The following ZNF774 variants were observed in gnomAD, a reference collection of about 807,000 sequenced individuals.
ZNF774 encodes the protein zinc finger protein 774.
In ZNF774, 14 loss-of-function variants were observed where a neutral mutation model predicts 11.1. That is an observed-to-expected ratio of 1.26 (90% CI 0.83 to 1.97). The LOEUF (loss-of-function observed/expected upper bound fraction) is 1.97, where lower values mean the gene tolerates loss of function less well. Among genes scored for constraint, ZNF774 ranks in the 30% most tolerant of loss-of-function variants. The pLI, the probability that ZNF774 is intolerant of heterozygous loss-of-function variation, is 0.00. For synonymous variants in ZNF774, 195 were observed against 212.6 expected (o/e 0.92, Z 0.72); for missense variants, 599 against 587.0 (o/e 1.02, Z -0.21).
intron 1 of ZNF774, among the ~76,000 whole-genome samples, chr15:90,353,973 T>C (rs1365006349): frequency 1.3e-5 from 2 of 152,206 alleles, no homozygotes; most frequent in East Asian, 1.9e-4. Context: ...TTGCTGTCGA[T>C]TTATTAATAT....
At chr15:90,355,893 G>T (rs1216545712) in intron 2 of ZNF774, among the ~76,000 whole-genome samples, 2 of 150,508 alleles carry the variant, frequency 1.3e-5, no homozygotes, top group Admixed American at 1.3e-4. Flanking sequence ...GCCAGGCATG[G>T]TGGTGGGCAC....
At chr15:90,355,208 G>C (rs1270634188) in intron 2 of ZNF774, 2 of 442,616 alleles carry the variant, frequency 4.5e-6, no homozygotes, top group Non-Finnish European at 9.1e-6. Flanking sequence ...CCAGACCTCT[G>C]TAAGATTAAT....
chr15:90,360,926 C>T lies in ZNF774; in HGVS notation c.1095C>T (p.His365=). 3 of 1,613,952 alleles carry T rather than the reference C, an allele frequency of 1.9e-6. No homozygotes were observed. Among genetic ancestry groups the T allele is most frequent in the Non-Finnish European group, 2.5e-6 (3 of 1,179,980 alleles). Residue 365 remains histidine, a synonymous_variant, in exon 4 of 4, where the codon CAC becomes CAT. Coordinates refer to ENST00000354377, the MANE Select transcript of ZNF774 (RefSeq NM_001004309.3). ...GTCAGAGCTCACATTTGGTCACGCA[C>T]CAAAGAACACACACAGGTGAGAGAC... ...SFSQSSHLVT[H]QRTHTGERPF...
In ZNF774 at chr15:90,361,128, TGTCCTGAGTGTGGCAA is replaced by T. The variant is rs767114345; in HGVS notation, c.1299_1314del (p.Cys433Ter). On this transcript the variant is annotated frameshift_variant, in exon 4 of 4. Transcript: ENST00000354377. LOFTEE classifies it low-confidence loss of function (END_TRUNC). ...CCACTTAGGAGACAGGCCCTATCGA[TGTCCTGAGTGTGGCAA>T]GACCTTCAATCAGCGTTCCCATTTC... is the stretch of plus-strand genomic sequence containing the variant. 9.7e-4 allele frequency: 1,569 copies of T among 1,614,206 alleles called. No homozygotes were observed. Among genetic ancestry groups the T allele is most frequent in the Non-Finnish European group, 1.3e-3 (1,500 of 1,180,034 alleles).
rs867831296 is a variant in ZNF774, at chr15:90,360,160, A to G, written c.329A>G (p.Asn110Ser). 1 of 1,614,228 alleles carries G rather than the reference A, an allele frequency of 6.2e-7. No individual in the cohort carries two copies. ...TCTCATACTCTTAGTTGGGGAGGAAACTGGGAGCAAGGCCTAGAATTAGAA... is the reference window on the plus strand; with the variant it reads ...TCTCATACTCTTAGTTGGGGAGGAAGCTGGGAGCAAGGCCTAGAATTAGAA... ...DLSHTLSWGGNWEQGLELEGQ... is the reference protein window; with the variant it reads ...DLSHTLSWGGSWEQGLELEGQ... The change falls in exon 4 of 4, where the codon AAC (asparagine) becomes AGC (serine). Residue 110 changes from asparagine (N) to serine (S), a missense_variant. Coordinates refer to ENST00000354377, the MANE Select transcript of ZNF774 (RefSeq NM_001004309.3).
chr15:90,355,722 C>CAA (rs35498554), intron 2 of ZNF774, among the ~76,000 whole-genome samples: 8,720 of 39,700 alleles, frequency 0.22, 1,482 homozygotes, highest in African/African-American at 0.32. Flanking sequence ...GACTCTGTCT[C>CAA]AAAAAAAAAA....
In ZNF774 at chr15:90,362,060, TTTA is replaced by T. The variant is rs1253115007; in HGVS notation, c.*781_*783del. 1 of 157,576 alleles carries T rather than the reference TTTA, an allele frequency of 6.3e-6. No individual in the cohort carries two copies. The highest frequency in any genetic ancestry group is 1.4e-5 in the Non-Finnish European group (1 of 70,956). The allele number at this position is 157,576 out of a possible 1,614,324, so 9.8% of individuals were successfully genotyped here. On this transcript the variant is annotated 3_prime_UTR_variant, in exon 4 of 4. Coordinates refer to ENST00000354377, the MANE Select transcript of ZNF774 (RefSeq NM_001004309.3). ...ATCAGTCTTATTACTCAATTAGAAA[TTTA>T]TTAGTGTAGTCCCCCCGCCCCAAAC...
Position 90,354,855 on chromosome 15 carries a change from C to T in ZNF774, c.104+91C>T, listed in dbSNP as rs766378886. 1.2e-5 allele frequency: 13 copies of T among 1,058,922 alleles called. No individual in the cohort carries two copies. In the Admixed American group the frequency reaches 1.3e-4, roughly 10 times the overall value. The allele number at this position is 1,058,922 out of a possible 1,614,324, so 65.6% of individuals were successfully genotyped here. On this transcript the variant is annotated intron_variant, in intron 2 of 3. Transcript: ENST00000354377. ...TGTCATCCAGGCTGGAGTGCAGTGG[C>T]GCGATCTCGATTCACTGCAATCTGT...
chr15:90,357,102 A>G (rs569702920), intron 2 of ZNF774, among the ~76,000 whole-genome samples: 1 of 152,272 alleles, frequency 6.6e-6, no homozygotes, highest in South Asian at 2.1e-4. Flanking sequence ...GGTATTTAAT[A>G]CTTTGCAAAA....
chr15:90,358,965 G>A lies in ZNF774; in HGVS notation c.211+8G>A. 1 of 1,603,950 alleles carries A rather than the reference G, an allele frequency of 6.2e-7. No individual in the cohort carries two copies. Among genetic ancestry groups the A allele is most frequent in the South Asian group, 1.1e-5 (1 of 90,910 alleles). ...CGAGGGAAAGCCACACAGGTGAGAT[G>A]TGAGTGCTCCCCAGTGGAAGGAAAT... On this transcript the variant is annotated splice_region_variant and intron_variant, in intron 3 of 3. Transcript: ENST00000354377.
chr15:90,354,418 G>C (rs932612861), intron 1 of ZNF774, among the ~76,000 whole-genome samples: 21 of 152,292 alleles, frequency 1.4e-4, no homozygotes, highest in African/African-American at 5.1e-4. Flanking sequence ...GATGTGTTTG[G>C]GAGGCCTAGG....
intron 2 of ZNF774, among the ~76,000 whole-genome samples, chr15:90,355,847 G>A (rs908491102): frequency 6.6e-6 from 1 of 150,830 alleles, no homozygotes; most frequent in Admixed American, 6.6e-5. Flanking sequence ...TGGCTAACAT[G>A]GTGAAACCCC....
intron 2 of ZNF774, among the ~76,000 whole-genome samples, chr15:90,356,052 A>C (rs1267106429): frequency 1.3e-5 from 2 of 148,924 alleles, no homozygotes; most frequent in East Asian, 2.0e-4. Context: ...AAATAAAAAA[A>C]ACCAAAAACA....
At chr15:90,357,070 C>G (rs896973081) in intron 2 of ZNF774, among the ~76,000 whole-genome samples, 1 of 152,010 alleles carries the variant, frequency 6.6e-6, no homozygotes, top group Non-Finnish European at 1.5e-5. Context: ...ATTGGTGGGT[C>G]AAAGAACAGA....
chr15:90,352,726 C>G (rs2589970), intron 1 of ZNF774, among the ~76,000 whole-genome samples: 6 of 151,598 alleles, frequency 4.0e-5, no homozygotes, highest in African/African-American at 1.5e-4. Context: ...CCCACGCGTG[C>G]AGTCATGTTC....
chr15:90,360,548 G>T lies in ZNF774; in HGVS notation c.717G>T (p.Glu239Asp). The T allele has an allele frequency of 6.2e-7, 1 of 1,612,490 alleles. No individual in the cohort carries two copies. Among genetic ancestry groups the T allele is most frequent in the Non-Finnish European group, 8.5e-7 (1 of 1,179,590 alleles). Residue 239 changes from glutamate (E) to aspartate (D), a missense_variant, in exon 4 of 4, where the codon GAG (glutamate) becomes GAT (aspartate). Coordinates refer to ENST00000354377, the MANE Select transcript of ZNF774 (RefSeq NM_001004309.3). ...GGGAGAGACCCTATGAGTGCCCAGA[G>T]TGTGGAAAGACTTTTGGGCGGAAGC... ...HTGERPYECP[E>D]CGKTFGRKPH...
Position 90,360,905 on chromosome 15 carries a change from G to A in ZNF774, c.1074G>A (p.Gln358=). 3.1e-6 allele frequency: 5 copies of A among 1,614,088 alleles called. No homozygotes were observed. Among genetic ancestry groups the A allele is most frequent in the Non-Finnish European group, 4.2e-6 (5 of 1,180,018 alleles). The stretch of plus-strand genomic sequence containing the variant: ...CTGACTGCCACAAAAGCTTCAGTCA[G>A]AGCTCACATTTGGTCACGCACCAAA... ...SCPDCHKSFS[Q]SSHLVTHQRT... The change falls in exon 4 of 4, where the codon CAG becomes CAA. Residue 358 remains glutamine, a synonymous_variant. Transcript: ENST00000354377.
In ZNF774 at chr15:90,361,236, C is replaced by A; in HGVS notation, c.1405C>A (p.Arg469Ser). The A allele has an allele frequency of 6.2e-7, 1 of 1,611,048 alleles. No homozygotes were observed. Among genetic ancestry groups the A allele is most frequent in the Non-Finnish European group, 8.5e-7 (1 of 1,178,388 alleles). ...FHCSKCNKSFRQKAHLLCHQN... is the reference protein window; with the variant it reads ...FHCSKCNKSFSQKAHLLCHQN... ...CTGTAGTAAATGTAACAAGAGCTTC[C>A]GTCAGAAAGCGCATCTTTTATGCCA... Residue 469 changes from arginine to serine, a missense_variant, in exon 4 of 4, where the codon CGT (arginine) becomes AGT (serine). Physicochemically the swap from Arg to Ser is moderately radical, Grantham distance 110. Coordinates refer to ENST00000354377, the MANE Select transcript of ZNF774 (RefSeq NM_001004309.3).
chr15:90,360,262 A>T lies in ZNF774; in HGVS notation c.431A>T (p.Asp144Val), dbSNP rs772392245. The change falls in exon 4 of 4, where the codon GAT becomes GTT. Residue 144 changes from aspartate to valine, a missense_variant. Asp to Val is a radical substitution (Grantham distance 152, BLOSUM62 -3). Coordinates refer to ENST00000354377, the MANE Select transcript of ZNF774 (RefSeq NM_001004309.3). Reference sequence around the variant, plus strand: ...GAGAGGGATTTAAACAAGCTCCTGGATGGATATGTAGGAGAGAAGCCTATG... The same window carrying T: ...GAGAGGGATTTAAACAAGCTCCTGGTTGGATATGTAGGAGAGAAGCCTATG... Reference protein sequence around the residue: ...SQERDLNKLLDGYVGEKPMCA... With the variant: ...SQERDLNKLLVGYVGEKPMCA... The T allele has an allele frequency of 2.5e-6, 4 of 1,614,232 alleles. No individual in the cohort carries two copies. The East Asian group carries it at 8.9e-5, about 36-fold the overall frequency.
Sources: gnomAD v4.1 joint callset for allele counts (sites outside exome capture counted in the v4.1 genomes callset) on GRCh38, gnomAD v4.1.1 for gene constraint, MANE v1.5 for transcripts, NCBI Gene and HGNC (gene_info 2026-07-23, HGNC 2026-07-21) for gene names.